Variants in SNTG1 observed in about 807,000 individuals in gnomAD.
The protein encoded by SNTG1 is gamma-1-syntrophin.
In SNTG1, 39 loss-of-function variants were observed where a neutral mutation model predicts 74.7. The observed-to-expected ratio is 0.52, with a 90% CI of 0.40 to 0.68. SNTG1 has a LOEUF of 0.68. SNTG1 is among the 30% of genes least tolerant of loss of function. The probability of loss-of-function intolerance (pLI) is 0.00; values close to 1 mark genes in which losing one functional copy is unlikely to be tolerated. For synonymous variants in SNTG1, 254 were observed against 217.1 expected (o/e 1.17, Z -1.49); for missense variants, 685 against 609.5 (o/e 1.12, Z -1.30).
intron 1 of SNTG1, among the ~76,000 whole-genome samples, chr8:49,999,617 C>G (rs903066326): frequency 1.3e-5 from 2 of 152,102 alleles, no homozygotes; most frequent in African/African-American, 2.4e-5. Context: ...TTTGCACCTG[C>G]GATTCCATGT....
intron 1 of SNTG1, among the ~76,000 whole-genome samples, chr8:50,042,907 A>G (rs1031147204): frequency 6.6e-6 from 1 of 152,236 alleles, no homozygotes; most frequent in Non-Finnish European, 1.5e-5. Context: ...AATTTTACCA[A>G]TAATTGTCTA....
At chr8:50,208,137 C>T (rs368935882) in intron 2 of SNTG1, among the ~76,000 whole-genome samples, 9 of 152,146 alleles carry the variant, frequency 5.9e-5, no homozygotes, top group East Asian at 1.9e-4. Context: ...CTTTCTGTCT[C>T]GTCGATCTGT....
intron 13 of SNTG1, among the ~76,000 whole-genome samples, chr8:50,638,528 G>A (rs188014416): frequency 1.5e-4 from 23 of 152,246 alleles, no homozygotes; most frequent in African/African-American, 5.5e-4. Context: ...AGCACTGGGT[G>A]CTCCAGTGAA....
intron 15 of SNTG1, among the ~76,000 whole-genome samples, chr8:50,702,111 C>A (rs1340369976): frequency 6.6e-6 from 1 of 152,074 alleles, no homozygotes. Flanking sequence ...CTCGGCCTCC[C>A]AAATTGCTGG....
chr8:49,961,591 C>T (rs544263538), intron 1 of SNTG1, among the ~76,000 whole-genome samples: 1 of 152,342 alleles, frequency 6.6e-6, no homozygotes, highest in South Asian at 2.1e-4. Context: ...ATTTCTACAT[C>T]ACTGCTAAGA....
chr8:50,124,316 G>A (rs906379702), intron 1 of SNTG1, among the ~76,000 whole-genome samples: 3 of 141,790 alleles, frequency 2.1e-5, no homozygotes, highest in African/African-American at 5.1e-5. Context: ...CTAGAATGTC[G>A]AGAAAACAAA....
At chr8:50,006,898 A>G (rs1039612403) in intron 1 of SNTG1, among the ~76,000 whole-genome samples, 5 of 152,158 alleles carry the variant, frequency 3.3e-5, no homozygotes, top group African/African-American at 1.2e-4. Flanking sequence ...GCTCAAGGTC[A>G]CCTTTGCAGG....
chr8:50,158,184 T>A (rs2082310085), intron 1 of SNTG1, among the ~76,000 whole-genome samples: 1 of 152,188 alleles, frequency 6.6e-6, no homozygotes, highest in Non-Finnish European at 1.5e-5. Flanking sequence ...CAGGTTCAGA[T>A]TATGGTAGAT....
intron 1 of SNTG1, among the ~76,000 whole-genome samples, chr8:49,922,892 A>C (rs1316649641): frequency 3.3e-5 from 5 of 152,122 alleles, no homozygotes; most frequent in African/African-American, 1.2e-4. Context: ...ACTACATGTA[A>C]CTGGTTTTGG....
chr8:50,545,136 A>G (rs1000663421), intron 11 of SNTG1, among the ~76,000 whole-genome samples: 2 of 151,938 alleles, frequency 1.3e-5, no homozygotes, highest in African/African-American at 4.8e-5. Flanking sequence ...TTTTTTCCAT[A>G]GCCCATAATT....
intron 11 of SNTG1, among the ~76,000 whole-genome samples, chr8:50,543,073 C>T (rs1310591232): frequency 6.6e-6 from 1 of 151,980 alleles, no homozygotes; most frequent in African/African-American, 2.4e-5. Context: ...GGTGCAGAAG[C>T]TTTTTAGTTT....
intron 8 of SNTG1, among the ~76,000 whole-genome samples, chr8:50,462,796 C>CTTTTCTTTTT (rs2093577158): frequency 1.7e-5 from 1 of 57,412 alleles, no homozygotes; most frequent in Non-Finnish European, 3.6e-5. Flanking sequence ...AGGTTCTACT[C>CTTTTCTTTTT]TTTTTTTTTT....
chr8:50,024,373 G>T (rs1032026958), intron 1 of SNTG1, among the ~76,000 whole-genome samples: 2 of 152,120 alleles, frequency 1.3e-5, no homozygotes, highest in Non-Finnish European at 2.9e-5. Flanking sequence ...GAGCAAGACG[G>T]CATTAGTCAC....
intron 8 of SNTG1, among the ~76,000 whole-genome samples, chr8:50,471,389 A>G (rs969240135): frequency 6.6e-6 from 1 of 152,126 alleles, no homozygotes; most frequent in African/African-American, 2.4e-5. Flanking sequence ...CTACATAGGA[A>G]ATAATACTAA....
chr8:50,790,682 CT>C (rs2095688343), intron 18 of SNTG1, among the ~76,000 whole-genome samples: 1 of 151,838 alleles, frequency 6.6e-6, no homozygotes, highest in Non-Finnish European at 1.5e-5. Flanking sequence ...CCATCTTGGT[CT>C]CCTGCTTTCT....
intron 2 of SNTG1, among the ~76,000 whole-genome samples, chr8:50,201,112 C>T (rs1171504730): frequency 6.6e-6 from 1 of 151,996 alleles, no homozygotes; most frequent in African/African-American, 2.4e-5. Context: ...GTTATCAAGT[C>T]CTTCTCAAGA....
Position 50,649,559 on chromosome 8 carries a change from T to TA in SNTG1, c.850-7349dup, listed in dbSNP as rs1245875733. On this transcript the variant is annotated intron_variant, in intron 13 of 18. Coordinates refer to ENST00000642720, the MANE Select transcript of SNTG1 (RefSeq NM_018967.5). ...GTTGGAGCTTTTCCATTACTACAGT[T>TA]ACTCACCAAAATTTATCTCTTTCTG... Among the ~76,000 whole-genome samples the TA allele has an allele frequency of 1.1e-4, 16 of 152,296 alleles. No homozygotes were observed. The East Asian group carries it at 3.1e-3, about 29-fold the overall frequency.
At position 50,581,166 on chromosome 8, in the gene SNTG1, A is replaced by G. The variant is rs1036105066; in HGVS notation, c.811-9713A>G. ...CATCTTATCAAGAGCACATAAAATT[A>G]TAAGAATGTGCACTTGCATTTATGA... On this transcript the variant is annotated intron_variant, in intron 12 of 18. Coordinates refer to ENST00000642720, the MANE Select transcript of SNTG1 (RefSeq NM_018967.5). Among the ~76,000 whole-genome samples the G allele has an allele frequency of 3.9e-5, 6 of 152,332 alleles. No individual in the cohort carries two copies. The South Asian group carries it at 6.2e-4, about 16-fold the overall frequency.
chr8:50,320,202 T>C (rs1049726852), intron 2 of SNTG1, among the ~76,000 whole-genome samples: 1 of 152,198 alleles, frequency 6.6e-6, no homozygotes, highest in African/African-American at 2.4e-5. Context: ...GTTATTGGTC[T>C]GTTCAGGGAT....
Sources: allele counts gnomAD v4.1 joint callset (sites outside exome capture counted in the v4.1 genomes callset), GRCh38; gene constraint gnomAD v4.1.1; transcripts MANE v1.5; gene names NCBI Gene and HGNC (gene_info 2026-07-23, HGNC 2026-07-21).